The following DPYD variants were observed in gnomAD, a reference collection of about 807,000 sequenced individuals.
DPYD encodes the protein dihydropyrimidine dehydrogenase [NADP(+)].
A neutral mutation model predicts 116.2 loss-of-function variants in DPYD; 109 were observed. The observed-to-expected ratio is 0.94, with a 90% CI of 0.80 to 1.10. The LOEUF is 1.10. DPYD is among the 50% of genes least tolerant of loss of function. DPYD has a pLI of 0.00. For synonymous variants in DPYD, 440 were observed against 432.0 expected (o/e 1.02, Z -0.23); for missense variants, 1,302 against 1,254.5 (o/e 1.04, Z -0.57).
chr1:97,200,609 T>G (rs1659133505), intron 19 of DPYD, among the ~76,000 whole-genome samples: 1 of 152,198 alleles, frequency 6.6e-6, no homozygotes, highest in South Asian at 2.1e-4. Context: ...TTGTTTAAAC[T>G]ATGCAAAACA....
intron 19 of DPYD, among the ~76,000 whole-genome samples, chr1:97,201,844 T>C (rs1659228808): frequency 6.6e-6 from 1 of 151,832 alleles, no homozygotes; most frequent in South Asian, 2.1e-4. Flanking sequence ...ACTGTGGCAG[T>C]GCATTGATTT....
chr1:97,546,929 A>G, intron 12 of DPYD: 2 of 1,607,420 alleles, frequency 1.2e-6, no homozygotes, highest in Non-Finnish European at 1.7e-6. Flanking sequence ...GATAGCTTTG[A>G]GGAAGAAGAG....
At chr1:97,593,437 C>CA in intron 9 of DPYD, 50 bp from the exon 10 acceptor site, 2 of 1,600,964 alleles carry the variant, frequency 1.2e-6, no homozygotes, top group Non-Finnish European at 1.7e-6. Flanking sequence ...ACCATTTCTG[C>CA]ATGACAGCTC....
intron 2 of DPYD, among the ~76,000 whole-genome samples, chr1:97,870,949 C>T (rs1024505689): frequency 6.6e-6 from 1 of 151,756 alleles, no homozygotes; most frequent in East Asian, 1.9e-4. Context: ...TATGCCCATT[C>T]GGGAAAACAG....
chr1:97,488,912 C>T (rs1453234338), intron 13 of DPYD, among the ~76,000 whole-genome samples: 1 of 152,218 alleles, frequency 6.6e-6, no homozygotes, highest in Non-Finnish European at 1.5e-5. Flanking sequence ...TCTGGGCACA[C>T]TCTCTATGGG....
chr1:97,718,075 C>CA (rs1260513455), intron 5 of DPYD, among the ~76,000 whole-genome samples: 1 of 151,996 alleles, frequency 6.6e-6, no homozygotes, highest in Non-Finnish European at 1.5e-5. Flanking sequence ...TACTAGTTTA[C>CA]TTCCCACCAG....
chr1:97,892,595 C>A (rs750554701), intron 1 of DPYD, among the ~76,000 whole-genome samples: 1 of 151,808 alleles, frequency 6.6e-6, no homozygotes, highest in Non-Finnish European at 1.5e-5. Context: ...CCATGGTAAT[C>A]AGTCCTGGTC....
chr1:97,428,166 C>T (rs1363008641), intron 14 of DPYD, among the ~76,000 whole-genome samples: 1 of 151,886 alleles, frequency 6.6e-6, no homozygotes, highest in Non-Finnish European at 1.5e-5. Context: ...GTGACCTTGC[C>T]CAACCTCTTT....
intron 2 of DPYD, among the ~76,000 whole-genome samples, chr1:97,880,793 T>C (rs929341309): frequency 4.0e-4 from 61 of 152,006 alleles, no homozygotes; most frequent in African/African-American, 1.4e-3. Flanking sequence ...ACAATCACTA[T>C]TGAATACAGT....
At chr1:97,664,325 T>A (rs977694288) in intron 8 of DPYD, among the ~76,000 whole-genome samples, 3 of 151,742 alleles carry the variant, frequency 2.0e-5, no homozygotes, top group African/African-American at 7.3e-5. Flanking sequence ...TGCATATATA[T>A]GTGTGTATGT....
chr1:97,173,294 A>C (rs1055414379), intron 20 of DPYD, among the ~76,000 whole-genome samples: 1 of 141,494 alleles, frequency 7.1e-6, no homozygotes, highest in Non-Finnish European at 1.5e-5. Context: ...ATATATGTAC[A>C]CATATGTACA....
chr1:97,207,144 T>C (rs1465055124), intron 19 of DPYD, among the ~76,000 whole-genome samples: 1 of 152,060 alleles, frequency 6.6e-6, no homozygotes, highest in Non-Finnish European at 1.5e-5. Flanking sequence ...TGAAGCAAAA[T>C]AAAAATATTG....
chr1:97,476,246 G>T (rs1189414686), intron 13 of DPYD, among the ~76,000 whole-genome samples: 1 of 152,076 alleles, frequency 6.6e-6, no homozygotes, highest in Non-Finnish European at 1.5e-5. Context: ...AAATAAACTT[G>T]ATGCTACATT....
intron 2 of DPYD, among the ~76,000 whole-genome samples, chr1:97,860,198 C>T (rs908392777): frequency 2.6e-5 from 4 of 152,084 alleles, no homozygotes; most frequent in African/African-American, 9.7e-5. Context: ...CAAAAATTAG[C>T]TGGGTGTGGT....
At chr1:97,247,832 T>G (rs190435254) in intron 18 of DPYD, among the ~76,000 whole-genome samples, 3 of 152,214 alleles carry the variant, frequency 2.0e-5, no homozygotes, top group Admixed American at 2.0e-4. Context: ...AAATTAAAAA[T>G]AGATCCATAA....
intron 3 of DPYD, among the ~76,000 whole-genome samples, chr1:97,771,257 G>C (rs940126565): frequency 6.6e-6 from 1 of 152,192 alleles, no homozygotes; most frequent in Non-Finnish European, 1.5e-5. Flanking sequence ...ACGAGACTTT[G>C]TCTCAATTAC....
chr1:97,828,438 T>G (rs555744226), intron 2 of DPYD, among the ~76,000 whole-genome samples: 44 of 152,310 alleles, frequency 2.9e-4, no homozygotes, highest in African/African-American at 1.1e-3. Context: ...GGAGTTTCGT[T>G]ATCAATTTTT....
chr1:97,237,331 T>G (rs554208063), intron 18 of DPYD, among the ~76,000 whole-genome samples: 3 of 151,300 alleles, frequency 2.0e-5, no homozygotes, highest in African/African-American at 7.3e-5. Flanking sequence ...AACGTTTGCA[T>G]GACTACTGCT....
intron 19 of DPYD, among the ~76,000 whole-genome samples, chr1:97,206,676 ATATATATATAT>A (rs1557938251): frequency 0.08 from 8,060 of 100,400 alleles, 849 homozygotes; most frequent in East Asian, 0.31. Context: ...ATATATATAT[ATATATATATAT>A]AATCTATATG....
Sources: allele counts gnomAD v4.1 joint callset (sites outside exome capture counted in the v4.1 genomes callset), GRCh38; gene constraint gnomAD v4.1.1; transcripts MANE v1.5; gene names NCBI Gene and HGNC (gene_info 2026-07-23, HGNC 2026-07-21).